ATL1: variants seen among roughly 807,000 people sequenced by gnomAD.
ATL1 encodes the protein atlastin-1.
Under a neutral mutation model 75.5 loss-of-function variants are expected in ATL1, and 31 were observed. The ratio of observed to expected loss-of-function variants is 0.41; its 90% CI spans 0.31 to 0.55. The LOEUF is 0.55. ATL1 is among the 20% of genes least tolerant of loss of function. ATL1 has a pLI of 0.27. For synonymous variants in ATL1, 226 were observed against 233.3 expected, an observed-to-expected ratio of 0.97 and a Z score of 0.28; for missense variants, 405 against 662.6, an observed-to-expected ratio of 0.61 and a Z score of 4.27.
intron 1 of ATL1, among the ~76,000 whole-genome samples, chr14:50,578,134 G>C (rs56285552): frequency 0.19 from 28,693 of 152,012 alleles, 3,425 homozygotes; most frequent in African/African-American, 0.34. Flanking sequence ...TCTATACCAA[G>C]AAGGAATATT....
At chr14:50,612,100 ATAAT>A (rs758320931) in intron 6 of ATL1, among the ~76,000 whole-genome samples, 6 of 152,182 alleles carry the variant, frequency 3.9e-5, no homozygotes, top group Non-Finnish European at 7.4e-5. Flanking sequence ...ATGCAATAAT[ATAAT>A]TAATCTCACA....
At chr14:50,631,238 CGA>C (rs767539827) in intron 13 of ATL1, among the ~76,000 whole-genome samples, 2 of 149,288 alleles carry the variant, frequency 1.3e-5, no homozygotes, top group Non-Finnish European at 3.0e-5. Flanking sequence ...CCAGCCTGAG[CGA>C]GAGAGTGAGA....
At chr14:50,609,446 A>G (rs760071944) in intron 6 of ATL1, among the ~76,000 whole-genome samples, 2 of 151,922 alleles carry the variant, frequency 1.3e-5, no homozygotes, top group Non-Finnish European at 2.9e-5. Flanking sequence ...TGGTACTGCT[A>G]CTCTGCGGCT....
intron 1 of ATL1, among the ~76,000 whole-genome samples, chr14:50,584,048 G>A (rs2039079580): frequency 6.6e-6 from 1 of 152,120 alleles, no homozygotes; most frequent in Admixed American, 6.5e-5. Flanking sequence ...ACTTCTGATG[G>A]ACTAGGAACT....
Position 50,632,313 on chromosome 14 carries a change from G to T in ATL1, c.1651G>T (p.Glu551Ter), listed in dbSNP as rs776845057. ...AFPTPKSEST[E>*]QSEKKKM ...CCCTACACCAAAGTCGGAATCTACT[G>T]AACAATCAGAAAAGAAAAAAATGTA... Residue 551 changes from glutamate to a stop codon, truncating the protein, a stop_gained, in exon 14 of 14, where the codon GAA becomes TAA. Transcript: ENST00000358385. LOFTEE classifies it high-confidence loss of function. 1 of 1,612,324 alleles carries T rather than the reference G, an allele frequency of 6.2e-7. No individual in the cohort carries two copies. Among genetic ancestry groups the T allele is most frequent in the Non-Finnish European group, 8.5e-7 (1 of 1,178,668 alleles).
chr14:50,578,283 G>T (rs2039024989), intron 1 of ATL1, among the ~76,000 whole-genome samples: 1 of 152,080 alleles, frequency 6.6e-6, no homozygotes. Context: ...ATGGTTAATA[G>T]ACAATCTCCC....
intron 4 of ATL1, among the ~76,000 whole-genome samples, chr14:50,593,265 A>G (rs1005456737): frequency 6.6e-6 from 1 of 152,100 alleles, no homozygotes; most frequent in Non-Finnish European, 1.5e-5. Context: ...TTAAATAAGT[A>G]TACAGAGCAT....
At chr14:50,542,095 C>T (rs572480873) in intron 1 of ATL1, among the ~76,000 whole-genome samples, 1 of 136,380 alleles carries the variant, frequency 7.3e-6, no homozygotes, top group South Asian at 2.6e-4. Flanking sequence ...TGAAAGGCAA[C>T]TCTTGATTTA....
At chr14:50,597,472 AAG>A (rs1331217731) in intron 6 of ATL1, among the ~76,000 whole-genome samples, 1 of 152,062 alleles carries the variant, frequency 6.6e-6, no homozygotes. Flanking sequence ...AGCAAAATTA[AAG>A]TAGTATTTAC....
intron 6 of ATL1, among the ~76,000 whole-genome samples, chr14:50,599,579 A>G (rs1458048080): frequency 3.3e-5 from 5 of 152,320 alleles, no homozygotes; most frequent in African/African-American, 1.2e-4. Context: ...CATCACTAGC[A>G]GAACAGATAC....
chr14:50,573,033 C>A lies in ATL1; in HGVS notation c.34+12734C>A, dbSNP rs549603544. Among the ~76,000 whole-genome samples the A allele has an allele frequency of 3.3e-5, 5 of 152,240 alleles. No individual in the cohort carries two copies. The South Asian group carries it at 6.2e-4, about 19-fold the overall frequency. On this transcript the variant is annotated intron_variant, in intron 1 of 13. Coordinates refer to ENST00000358385, the MANE Select transcript of ATL1 (RefSeq NM_015915.5). ...GGGTAAAAGCCCCTTACAAAACCAT[C>A]AGATCTCATGAGAACTCACTCACTA...
chr14:50,566,022 GAGTCTCTCTCTGTCACCC>G (rs1251682456), intron 1 of ATL1, among the ~76,000 whole-genome samples: 78 of 152,250 alleles, frequency 5.1e-4, no homozygotes, highest in African/African-American at 1.7e-3. Context: ...TTTTGAGACA[GAGTCTCTCTCTGTCACCC>G]AGGCTGGAGT....
chr14:50,533,811 C>T (rs765532721), intron 1 of ATL1, among the ~76,000 whole-genome samples: 1 of 151,990 alleles, frequency 6.6e-6, no homozygotes, highest in Non-Finnish European at 1.5e-5. Flanking sequence ...GACAATACTC[C>T]TTATTGTTGA....
chr14:50,621,629 A>G (rs1379483616), intron 9 of ATL1, among the ~76,000 whole-genome samples: 1 of 152,236 alleles, frequency 6.6e-6, no homozygotes, highest in Non-Finnish European at 1.5e-5. Flanking sequence ...AAGAAGGGCC[A>G]GATTGGCAGA....
chr14:50,618,979 T>C (rs1455259396), intron 8 of ATL1, among the ~76,000 whole-genome samples: 4 of 151,572 alleles, frequency 2.6e-5, no homozygotes, highest in African/African-American at 4.9e-5. Context: ...CAACCTCCGC[T>C]TCCTAGGTTC....
intron 11 of ATL1, among the ~76,000 whole-genome samples, chr14:50,623,630 A>C (rs73291761): frequency 4.6e-5 from 7 of 152,050 alleles, no homozygotes; most frequent in South Asian, 2.1e-4. Flanking sequence ...GAAAAAAAAA[A>C]CAAAAACCCT....
chr14:50,573,630 T>C (rs1236330230), intron 1 of ATL1, among the ~76,000 whole-genome samples: 3 of 152,228 alleles, frequency 2.0e-5, no homozygotes, highest in African/African-American at 7.2e-5. Context: ...ATGCAATATA[T>C]GTCCATTAGC....
intron 1 of ATL1, among the ~76,000 whole-genome samples, chr14:50,586,375 G>A (rs2039102424): frequency 1.3e-5 from 2 of 152,086 alleles, no homozygotes; most frequent in Admixed American, 1.3e-4. Context: ...CTTCCTCCTG[G>A]TTCATAGACT....
intron 1 of ATL1, among the ~76,000 whole-genome samples, chr14:50,550,571 C>T (rs1380596040): frequency 6.6e-6 from 1 of 152,188 alleles, no homozygotes; most frequent in Non-Finnish European, 1.5e-5. Flanking sequence ...TAAGGCAACC[C>T]AGGATCACTA....
Sources: allele counts gnomAD v4.1 joint callset (sites outside exome capture counted in the v4.1 genomes callset), GRCh38; gene constraint gnomAD v4.1.1; transcripts MANE v1.5; gene names NCBI Gene and HGNC (gene_info 2026-07-23, HGNC 2026-07-21).